Variants in SNX13 observed in about 807,000 individuals in gnomAD.
The protein encoded by SNX13 is sorting nexin-13.
In SNX13, 45 loss-of-function variants were observed where a neutral mutation model predicts 133.6. The ratio of observed to expected loss-of-function variants is 0.34; its 90% CI spans 0.27 to 0.43. The LOEUF is 0.43. Ranked by LOEUF, SNX13 falls within the 20% of genes least tolerant of loss-of-function variation. The probability of loss-of-function intolerance (pLI) is 1.00; values close to 1 mark genes in which losing one functional copy is unlikely to be tolerated. For synonymous variants in SNX13, 414 were observed against 373.9 expected (o/e 1.11, Z -1.24); for missense variants, 1,032 against 1,145.1 (o/e 0.90, Z 1.43).
intron 9 of SNX13, among the ~76,000 whole-genome samples, chr7:17,853,917 C>T (rs528627290): frequency 2.0e-5 from 3 of 150,460 alleles, no homozygotes; most frequent in African/African-American, 4.9e-5. Flanking sequence ...CTCCAGCCTG[C>T]GCGACAGAGC....
chr7:17,813,077 G>A (rs1196598353), intron 20 of SNX13, among the ~76,000 whole-genome samples: 4 of 151,770 alleles, frequency 2.6e-5, no homozygotes, highest in African/African-American at 9.7e-5. Flanking sequence ...TAACAAACCT[G>A]CACATTCTGC....
intron 5 of SNX13, among the ~76,000 whole-genome samples, chr7:17,886,115 G>A (rs147363262): frequency 1.6e-3 from 236 of 152,166 alleles, no homozygotes; most frequent in African/African-American, 5.2e-3. Flanking sequence ...ATGGCAAAAG[G>A]TAGTAAGAAA....
Position 17,814,892 on chromosome 7 carries a change from A to G in SNX13, c.2006T>C (p.Val669Ala). The G allele has an allele frequency of 1.3e-6, 2 of 1,549,718 alleles. No homozygotes were observed. Among genetic ancestry groups the G allele is most frequent in the East Asian group, 2.5e-5 (1 of 40,546 alleles). ...GGCTTTGTTCTCAAGGAAATCATAC[A>G]CATAGTGAGCTAAAGCGGGGGATGC... ...MKASPALAHY[V>A]YDFLENKAYS... Residue 669 changes from valine (V) to alanine (A), a missense_variant, in exon 20 of 26, where the codon GTG (valine) becomes GCG (alanine). Coordinates refer to ENST00000428135, the MANE Select transcript of SNX13 (RefSeq NM_015132.5).
chr7:17,882,882 C>T (rs1168010203), intron 5 of SNX13: 5 of 1,275,264 alleles, frequency 3.9e-6, no homozygotes, highest in Non-Finnish European at 4.1e-6. Context: ...TTCCAGGAAG[C>T]GGAGGTTGCA....
chr7:17,898,689 G>T (rs961564998), intron 1 of SNX13: 9 of 152,132 alleles, frequency 5.9e-5, no homozygotes, highest in African/African-American at 9.7e-5. Flanking sequence ...GAAAAATAAA[G>T]CAACTGTGTA....
At chr7:17,856,442 C>T (rs569630180) in intron 9 of SNX13, among the ~76,000 whole-genome samples, 3 of 152,160 alleles carry the variant, frequency 2.0e-5, no homozygotes, top group East Asian at 1.9e-4. Context: ...ACCTCCTTAC[C>T]TATTAGTAGT....
chr7:17,800,612 CAAGA>C (rs1402837386), intron 22 of SNX13, among the ~76,000 whole-genome samples: 5 of 151,598 alleles, frequency 3.3e-5, no homozygotes, highest in African/African-American at 1.2e-4. Flanking sequence ...ATATATAGCA[CAAGA>C]AAGAAACCTA....
intron 1 of SNX13, among the ~76,000 whole-genome samples, chr7:17,934,019 C>T (rs537415174): frequency 3.3e-5 from 5 of 152,286 alleles, no homozygotes; most frequent in Admixed American, 2.0e-4. Flanking sequence ...TGAGACTCAT[C>T]CCTTATAGTG....
intron 1 of SNX13, among the ~76,000 whole-genome samples, chr7:17,939,209 A>G (rs1327578240): frequency 6.6e-6 from 1 of 152,156 alleles, no homozygotes; most frequent in African/African-American, 2.4e-5. Flanking sequence ...CTCACCTACA[A>G]ATGTTTGTAT....
At chr7:17,836,305 G>A (rs1361489221) in intron 13 of SNX13, among the ~76,000 whole-genome samples, 3 of 151,856 alleles carry the variant, frequency 2.0e-5, no homozygotes, top group African/African-American at 7.2e-5. Context: ...TCACTCGAGG[G>A]CATAAGTTCG....
At chr7:17,880,129 T>C (rs1035928023) in intron 5 of SNX13, 1 of 152,234 alleles carries the variant, frequency 6.6e-6, no homozygotes, top group African/African-American at 2.4e-5. Flanking sequence ...GGTATTAACA[T>C]GACCTGGGTC....
intron 5 of SNX13, among the ~76,000 whole-genome samples, chr7:17,884,483 A>G (rs1197006611): frequency 6.6e-6 from 1 of 152,164 alleles, no homozygotes; most frequent in Non-Finnish European, 1.5e-5. Context: ...TTTTTCAACT[A>G]TAGATAACAA....
Position 17,793,124 on chromosome 7 carries a change from T to C in SNX13, c.*921A>G, listed in dbSNP as rs1158653383. 6.6e-6 allele frequency: 1 copy of C among 152,312 alleles called. No homozygotes were observed. The highest frequency in any genetic ancestry group is 1.9e-4 in the East Asian group (1 of 5,200). 9.4% of individuals were successfully genotyped at this position (152,312 alleles called of 1,614,324 possible). A position where few individuals can be genotyped will look rare whatever the true frequency, so the allele number is the denominator to read the frequency against. On this transcript the variant is annotated 3_prime_UTR_variant, in exon 26 of 26. Transcript: ENST00000428135. ...CCTAAGGCATGTCTAGATCACACAA[T>C]TAAAAATTATCATATGGTAACTTTC...
chr7:17,909,890 T>C lies in SNX13; in HGVS notation c.13-12444A>G, dbSNP rs556525949. Among the ~76,000 whole-genome samples the C allele has an allele frequency of 9.8e-5, 15 of 152,298 alleles. No individual in the cohort carries two copies. The South Asian group carries it at 2.9e-3, about 29-fold the overall frequency. ...AACTTAAAAGTTGAAAAAGACATAT[T>C]TGAATAGTATTTAACCTATCTTAAG... On this transcript the variant is annotated intron_variant, in intron 1 of 25. Coordinates refer to ENST00000428135, the MANE Select transcript of SNX13 (RefSeq NM_015132.5).
At chr7:17,886,920 T>A (rs1332230272) in intron 5 of SNX13, among the ~76,000 whole-genome samples, 1 of 151,124 alleles carries the variant, frequency 6.6e-6, no homozygotes, top group Non-Finnish European at 1.5e-5. Context: ...TTGTTTTATT[T>A]CTCTATGTTT....
Position 17,883,000 on chromosome 7 carries a change from A to T in SNX13, c.441-7210T>A, listed in dbSNP as rs17138360. The T allele has an allele frequency of 2.2e-3, 642 of 294,566 alleles. 11 individuals carry two copies. The East Asian group carries it at 0.057, about 26-fold the overall frequency. The allele number at this position is 294,566 out of a possible 1,614,324, so 18.2% of individuals were successfully genotyped here. A position where few individuals can be genotyped will look rare whatever the true frequency, so the allele number is the denominator to read the frequency against. The stretch of plus-strand genomic sequence containing the variant: ...AAACAGGGTTCTTAACTTTCAGTTC[A>T]GTGTTCTTTCTACTCTACCATAACA... On this transcript the variant is annotated intron_variant, in intron 5 of 25. Transcript: ENST00000428135.
chr7:17,855,789 C>T (rs953356137), intron 9 of SNX13, among the ~76,000 whole-genome samples: 1 of 152,204 alleles, frequency 6.6e-6, no homozygotes, highest in Non-Finnish European at 1.5e-5. Context: ...AAACAATATC[C>T]ATTGTGCAGC....
intron 5 of SNX13, among the ~76,000 whole-genome samples, chr7:17,887,467 G>A (rs911416333): frequency 6.6e-6 from 1 of 152,012 alleles, no homozygotes; most frequent in Admixed American, 6.6e-5. Flanking sequence ...CCTTCCCCAA[G>A]CTGGTACTGG....
chr7:17,936,996 A>G (rs1440425446), intron 1 of SNX13, among the ~76,000 whole-genome samples: 4 of 146,356 alleles, frequency 2.7e-5, no homozygotes, highest in Non-Finnish European at 6.1e-5. Flanking sequence ...GAAAAAAACT[A>G]ACATTAAAAA....
Sources: allele counts gnomAD v4.1 joint callset (sites outside exome capture counted in the v4.1 genomes callset), GRCh38; gene constraint gnomAD v4.1.1; transcripts MANE v1.5; gene names NCBI Gene and HGNC (gene_info 2026-07-23, HGNC 2026-07-21).